PAM: variants seen among roughly 807,000 people sequenced by gnomAD.
PAM encodes the protein peptidylglycine alpha-amidating monooxygenase.
PAM carries 72 observed loss-of-function variants against 122.1 expected under a neutral mutation model. The ratio of observed to expected loss-of-function variants is 0.59; its 90% confidence interval spans 0.49 to 0.72. PAM has a LOEUF of 0.72. Among genes scored for constraint, PAM ranks in the 30% least tolerant of loss-of-function variants. The probability of loss-of-function intolerance (pLI) is 0.00; values close to 1 mark genes in which losing one functional copy is unlikely to be tolerated. For missense variants in PAM, 1,106 were observed against 1,183.7 expected, an observed-to-expected ratio of 0.93 and a Z score of 0.96; for synonymous variants, 389 against 404.4, an observed-to-expected ratio of 0.96 and a Z score of 0.46.
At position 102,965,357 on chromosome 5, in the gene PAM, G is replaced by T. The variant is rs573787770; in HGVS notation, c.1162+4128G>T. Among the ~76,000 whole-genome samples, 10 of 151,640 alleles carry T rather than the reference G, an allele frequency of 6.6e-5. No homozygotes were observed. The South Asian group carries it at 2.1e-3, about 32-fold the overall frequency. On this transcript the variant is annotated intron_variant, in intron 14 of 25. Coordinates refer to ENST00000438793, the MANE Select transcript of PAM (RefSeq NM_001177306.2). Reference sequence around the variant, plus strand: ...TTGTTTAAGCAAAGAATATGGGCTTGAAACTAAGAAGCTTACTAGATGGAA... The same window carrying T: ...TTGTTTAAGCAAAGAATATGGGCTTTAAACTAAGAAGCTTACTAGATGGAA...
At chr5:102,938,931 T>C (rs1754175755) in intron 7 of PAM, among the ~76,000 whole-genome samples, 1 of 152,124 alleles carries the variant, frequency 6.6e-6, no homozygotes, top group Admixed American at 6.6e-5. Context: ...GACATGTTTG[T>C]TTATTATGTT....
rs550142443 is a variant in PAM at position 102,938,468 on chromosome 5, A to G, written c.527-8369A>G. Among the ~76,000 whole-genome samples, 11 of 152,306 alleles carry G rather than the reference A, an allele frequency of 7.2e-5. No individual in the cohort carries two copies. In the South Asian group the frequency reaches 1.0e-3, roughly 14 times the overall value. On this transcript the variant is annotated intron_variant, in intron 7 of 25. Coordinates refer to ENST00000438793, the MANE Select transcript of PAM (RefSeq NM_001177306.2). Reference sequence around the variant, plus strand: ...TGGATTTTTAAAAAAGTAATTCAACATTGAGCAGAGCGTAAGTGATGTCTT... The same window carrying G: ...TGGATTTTTAAAAAAGTAATTCAACGTTGAGCAGAGCGTAAGTGATGTCTT...
chr5:102,795,172 A>G (rs890767783), intron 1 of PAM, among the ~76,000 whole-genome samples: 8 of 133,170 alleles, frequency 6.0e-5, no homozygotes, highest in Non-Finnish European at 1.3e-4. Context: ...CCAGGGTGAC[A>G]AAGTGAGACA....
intron 1 of PAM, among the ~76,000 whole-genome samples, chr5:102,765,544 T>C (rs559470534): frequency 9.2e-5 from 14 of 152,336 alleles, no homozygotes; most frequent in African/African-American, 3.4e-4. Flanking sequence ...AGCCACACCA[T>C]GCAAGCTTGG....
intron 14 of PAM, among the ~76,000 whole-genome samples, chr5:102,971,901 GTC>G (rs1162298557): frequency 1.1e-4 from 17 of 152,116 alleles, no homozygotes; most frequent in Non-Finnish European, 1.5e-5. Flanking sequence ...CCATCTAGTG[GTC>G]TCTCTCTCAT....
At position 102,866,063 on chromosome 5, in the gene PAM, T is replaced by C. The variant is rs1413721196; in HGVS notation, c.-133T>C. 4 of 527,386 alleles carry C rather than the reference T, an allele frequency of 7.6e-6. No homozygotes were observed. Among genetic ancestry groups the C allele is most frequent in the Non-Finnish European group, 1.3e-5 (4 of 307,640 alleles). The allele number at this position is 527,386 out of a possible 1,614,324, so 32.7% of individuals were successfully genotyped here. A position where few individuals can be genotyped will look rare whatever the true frequency, so the allele number is the denominator to read the frequency against. On this transcript the variant is annotated 5_prime_UTR_variant, in exon 2 of 26. Coordinates refer to ENST00000438793, the MANE Select transcript of PAM (RefSeq NM_001177306.2). ...GCTGCTCTCGCTGGCGGATGGTGTGTGGCCGCCGCAGGACGCCCGCCGTGC... is the reference window on the plus strand; with the variant it reads ...GCTGCTCTCGCTGGCGGATGGTGTGCGGCCGCCGCAGGACGCCCGCCGTGC...
intron 12 of PAM, among the ~76,000 whole-genome samples, chr5:102,958,912 TA>T (rs1420428512): frequency 4.6e-5 from 7 of 152,144 alleles, no homozygotes; most frequent in Non-Finnish European, 1.0e-4. Context: ...GTAGGCTTGC[TA>T]AAAATTGTCA....
chr5:102,900,616 T>C (rs1166508533), intron 3 of PAM, among the ~76,000 whole-genome samples: 1 of 151,616 alleles, frequency 6.6e-6, no homozygotes, highest in East Asian at 1.9e-4. Context: ...GAAGCATGAA[T>C]TATTAAAAGA....
intron 5 of PAM, among the ~76,000 whole-genome samples, chr5:102,921,194 A>C (rs1203874227): frequency 6.6e-6 from 1 of 152,126 alleles, no homozygotes; most frequent in Non-Finnish European, 1.5e-5. Context: ...TAGAATGATA[A>C]GAAAAAGAAA....
intron 16 of PAM, among the ~76,000 whole-genome samples, chr5:102,996,773 T>C (rs1775826622): frequency 1.3e-5 from 2 of 152,232 alleles, no homozygotes; most frequent in African/African-American, 2.4e-5. Flanking sequence ...TCAGGCCTAT[T>C]ATGTAGTGAT....
chr5:102,848,862 C>T (rs1341209397), intron 1 of PAM, among the ~76,000 whole-genome samples: 3 of 152,046 alleles, frequency 2.0e-5, no homozygotes, highest in African/African-American at 7.2e-5. Flanking sequence ...AAATGTGGAA[C>T]AGAAATTGTC....
At chr5:102,871,624 C>T (rs1787491316) in intron 3 of PAM, among the ~76,000 whole-genome samples, 1 of 150,072 alleles carries the variant, frequency 6.7e-6, no homozygotes, top group South Asian at 2.1e-4. Context: ...AATTCTTATA[C>T]ATCTTTATAT....
chr5:102,955,341 A>G (rs1336568028), intron 12 of PAM, among the ~76,000 whole-genome samples: 1 of 152,094 alleles, frequency 6.6e-6, no homozygotes, highest in Admixed American at 6.6e-5. Flanking sequence ...ATAAACAGAT[A>G]TGGATATAAA....
intron 7 of PAM, among the ~76,000 whole-genome samples, chr5:102,937,048 C>T (rs1299951666): frequency 3.3e-5 from 5 of 152,124 alleles, no homozygotes; most frequent in Admixed American, 2.6e-4. Flanking sequence ...CATTTAATTA[C>T]TGTCTGGTTA....
chr5:102,855,990 C>T (rs1251951676), intron 1 of PAM, among the ~76,000 whole-genome samples: 1 of 152,092 alleles, frequency 6.6e-6, no homozygotes, highest in Non-Finnish European at 1.5e-5. Context: ...CTATGATTCA[C>T]ACTTTTTTTG....
At chr5:103,028,393 C>T (rs1785606071) in intron 25 of PAM, among the ~76,000 whole-genome samples, 155 bp downstream of exon 25, 1 of 152,156 alleles carries the variant, frequency 6.6e-6, no homozygotes, top group Non-Finnish European at 1.5e-5. Flanking sequence ...AGAATGCACA[C>T]CATAAACTAA....
intron 1 of PAM, among the ~76,000 whole-genome samples, chr5:102,758,073 G>GTTTTTTTTTTTTT (rs1168917285): frequency 3.2e-4 from 8 of 24,808 alleles, no homozygotes; most frequent in Non-Finnish European, 7.2e-4. Context: ...TTAGAATTTT[G>GTTTTTTTTTTTTT]TTTTTTTTTT....
chr5:102,985,213 A>G (rs1771371570), intron 15 of PAM, among the ~76,000 whole-genome samples: 1 of 152,026 alleles, frequency 6.6e-6, no homozygotes. Flanking sequence ...TAGTAATAGG[A>G]AAGAAAAAGA....
chr5:102,923,373 T>C (rs1425279703), intron 5 of PAM, among the ~76,000 whole-genome samples: 1 of 152,178 alleles, frequency 6.6e-6, no homozygotes, highest in African/African-American at 2.4e-5. Context: ...TGCCTTTGCT[T>C]CCCATCCAGG....
Sources: gnomAD v4.1 joint callset for allele counts (sites outside exome capture counted in the v4.1 genomes callset) on GRCh38, gnomAD v4.1.1 for gene constraint, MANE v1.5 for transcripts, NCBI Gene and HGNC (gene_info 2026-07-23, HGNC 2026-07-21) for gene names.